Variants in NBN observed in about 807,000 individuals in gnomAD.
NBN encodes the protein nibrin.
In NBN, 88 loss-of-function variants were observed where a neutral mutation model predicts 90.8. The ratio of observed to expected loss-of-function variants is 0.97; its 90% CI spans 0.82 to 1.16. The LOEUF is 1.16. NBN is among the 50% of genes most tolerant of loss of function. NBN has a pLI of 0.00. For synonymous variants in NBN, 328 were observed against 295.1 expected, an observed-to-expected ratio of 1.11 and a Z score of -1.14; for missense variants, 894 against 869.6, an observed-to-expected ratio of 1.03 and a Z score of -0.35.
chr8:89,975,594 G>A (rs758598521), intron 5 of NBN, among the ~76,000 whole-genome samples: 4 of 152,096 alleles, frequency 2.6e-5, no homozygotes, highest in African/African-American at 4.8e-5. Flanking sequence ...AGTTAACACC[G>A]AATTAGGAGG....
intron 5 of NBN, among the ~76,000 whole-genome samples, chr8:89,975,871 A>G (rs1811729039): frequency 6.6e-6 from 1 of 152,256 alleles, no homozygotes; most frequent in Non-Finnish European, 1.5e-5. Flanking sequence ...ATTTGCAGCT[A>G]GAGTCATTAT....
chr8:89,949,974 GGATTTTATCAATGTCAATTTCCTGGTTGT>G (rs2129674418), intron 11 of NBN, among the ~76,000 whole-genome samples: 1 of 152,232 alleles, frequency 6.6e-6, no homozygotes, highest in South Asian at 2.1e-4. Context: ...TAAGGTTGAT[GGATTTTATCAATGTCAATTTCCTGGTTGT>G]GATACTGTAC....
At chr8:89,979,878 C>A (rs894175902) in intron 4 of NBN, among the ~76,000 whole-genome samples, 2 of 152,070 alleles carry the variant, frequency 1.3e-5, no homozygotes, top group Non-Finnish European at 2.9e-5. Context: ...ACCAACCAAG[C>A]TAGTGTATGA....
rs1204337347 is a variant in NBN at position 89,971,193 on chromosome 8, T to C, written c.682A>G (p.Ile228Val). 1 of 1,612,954 alleles carries C rather than the reference T, an allele frequency of 6.2e-7. No homozygotes were observed. The highest frequency in any genetic ancestry group is 1.7e-5 in the Admixed American group (1 of 59,954). The change falls in exon 6 of 16, where the codon ATA becomes GTA. Residue 228 changes from isoleucine (I) to valine (V), a missense_variant. Physicochemically the swap from Ile to Val is conservative, Grantham distance 29. Transcript: ENST00000265433. ...ATTACCTGTTTGGCATTCAAAAATA[T>C]AAATGTTTTCCCTTTGAAGATTTGT... is the stretch of plus-strand genomic sequence containing the variant. ...RKQIFKGKTF[I>V]FLNAKQHKKL...
At chr8:89,935,680 A>C in intron 15 of NBN, 68 bp from the exon 16 acceptor site, 1 of 1,576,170 alleles carries the variant, frequency 6.3e-7, no homozygotes, top group Non-Finnish European at 8.7e-7. Context: ...AAGGTAAAGA[A>C]CTTTCAAACT....
In NBN at chr8:89,953,501, A is replaced by G. The variant is rs1554558401; in HGVS notation, c.1588T>C (p.Ser530Pro). The G allele has an allele frequency of 3.7e-6, 6 of 1,613,680 alleles. No individual in the cohort carries two copies. Among genetic ancestry groups the G allele is most frequent in the Non-Finnish European group, 5.1e-6 (6 of 1,179,722 alleles). ...TTACTGGCAGAATTTTTCACAATAG[A>G]TTTTAAATCTGTATCTGTAAATAAG... is the stretch of plus-strand genomic sequence containing the variant. Reference protein sequence around the residue: ...NNLFTDTDLKSIVKNSASKSH... With the variant: ...NNLFTDTDLKPIVKNSASKSH... The change falls in exon 11 of 16, where the codon TCT (serine) becomes CCT (proline). Residue 530 changes from serine (S) to proline (P), a missense_variant. By Grantham distance (74) the Ser-to-Pro change is moderately conservative. Coordinates refer to ENST00000265433, the MANE Select transcript of NBN (RefSeq NM_002485.5).
Position 89,935,544 on chromosome 8 carries a change from T to C in NBN, c.*38A>G, listed in dbSNP as rs1276899383. 12 of 1,609,362 alleles carry C rather than the reference T, an allele frequency of 7.5e-6. No individual in the cohort carries two copies. Among genetic ancestry groups the C allele is most frequent in the African/African-American group, 2.7e-5 (2 of 74,832 alleles). ...TTGTTGGCCTGAAGTAGATGCTTACTAGGAAGTTTTTCCATGGCTTCTTTT... is the reference window on the plus strand; with the variant it reads ...TTGTTGGCCTGAAGTAGATGCTTACCAGGAAGTTTTTCCATGGCTTCTTTT... On this transcript the variant is annotated 3_prime_UTR_variant, in exon 16 of 16. Coordinates refer to ENST00000265433, the MANE Select transcript of NBN (RefSeq NM_002485.5).
At chr8:89,940,184 C>G (rs1809874707) in intron 14 of NBN, among the ~76,000 whole-genome samples, 1 of 152,194 alleles carries the variant, frequency 6.6e-6, no homozygotes, top group Admixed American at 6.5e-5. Context: ...CTCCCAGGCT[C>G]AAGCAATCTT....
chr8:89,969,678 G>A (rs545630513), intron 7 of NBN, among the ~76,000 whole-genome samples: 118 of 152,260 alleles, frequency 7.7e-4, no homozygotes, highest in Non-Finnish European at 1.3e-3. Context: ...TCGGCCGGGC[G>A]CAGTAGCTCA....
At chr8:89,964,005 T>C (rs1238055439) in intron 8 of NBN, among the ~76,000 whole-genome samples, 2 of 152,306 alleles carry the variant, frequency 1.3e-5, no homozygotes, top group Middle Eastern at 3.4e-3. Context: ...TTTCCCATCA[T>C]TCAGGACACA....
At chr8:89,984,282 C>A in intron 1 of NBN, 4 of 597,692 alleles carry the variant, frequency 6.7e-6, no homozygotes, top group African/African-American at 1.9e-5. Context: ...AGGGGAGGGG[C>A]GCGGAGGACT....
At chr8:89,969,956 A>G (rs1480576033) in intron 7 of NBN, among the ~76,000 whole-genome samples, 1 of 151,324 alleles carries the variant, frequency 6.6e-6, no homozygotes, top group East Asian at 1.9e-4. Context: ...GTCTCAAAAA[A>G]ATAAAAAATA....
intron 8 of NBN, among the ~76,000 whole-genome samples, chr8:89,962,401 G>C (rs1466027703): frequency 6.6e-6 from 1 of 152,124 alleles, no homozygotes; most frequent in Non-Finnish European, 1.5e-5. Flanking sequence ...TACTGATACT[G>C]ATCTTTTTTC....
chr8:89,971,226 C>G lies in NBN; in HGVS notation c.649G>C (p.Glu217Gln), dbSNP rs760275251. Residue 217 changes from glutamate to glutamine, a missense_variant, in exon 6 of 16, where the codon GAA becomes CAA. Glu to Gln is a conservative substitution (Grantham distance 29). Coordinates refer to ENST00000265433, the MANE Select transcript of NBN (RefSeq NM_002485.5). ...TTCCCTTTGAAGATTTGTTTTCTTT[C>G]CTGCCGTCCTGACAGATCAACATTT... ...SKNVDLSGRQERKQIFKGKTF... is the reference protein window; with the variant it reads ...SKNVDLSGRQQRKQIFKGKTF... 23 of 1,613,090 alleles carry G rather than the reference C, an allele frequency of 1.4e-5. No homozygotes were observed. Among genetic ancestry groups the G allele is most frequent in the Non-Finnish European group, 1.9e-5 (22 of 1,179,520 alleles).
chr8:89,950,542 G>C (rs536323440), intron 11 of NBN, among the ~76,000 whole-genome samples: 13 of 152,080 alleles, frequency 8.5e-5, no homozygotes, highest in African/African-American at 3.1e-4. Flanking sequence ...ATCTCAATGA[G>C]AGATACCGCA....
In NBN at chr8:89,964,659, C is replaced by G. The variant is rs565609941; in HGVS notation, c.897-152G>C. On this transcript the variant is annotated intron_variant, in intron 7 of 15. Coordinates refer to ENST00000265433, the MANE Select transcript of NBN (RefSeq NM_002485.5). ...AAATGCAGAGTACTATAATAGCTTA[C>G]TCGCTGGGGCACTGTTACGTTGACA... 20 of 701,380 alleles carry G rather than the reference C, an allele frequency of 2.9e-5. No homozygotes were observed. In the East Asian group the frequency reaches 5.5e-4, roughly 19 times the overall value. 43.4% of individuals were successfully genotyped at this position (701,380 alleles called of 1,614,324 possible).
At chr8:89,966,966 G>A (rs1811282485) in intron 7 of NBN, among the ~76,000 whole-genome samples, 1 of 152,176 alleles carries the variant, frequency 6.6e-6, no homozygotes, top group African/African-American at 2.4e-5. Context: ...AAACATAGGT[G>A]AGTATCTTTA....
chr8:89,951,132 G>A (rs1303411924), intron 11 of NBN, among the ~76,000 whole-genome samples: 1 of 151,828 alleles, frequency 6.6e-6, no homozygotes, highest in African/African-American at 2.4e-5. Flanking sequence ...CTAACACAGC[G>A]AAACCCCATC....
Position 89,964,508 on chromosome 8 carries a change from C to T in NBN, c.897-1G>A, listed in dbSNP as rs1586076299. The stretch of plus-strand genomic sequence containing the variant: ...TTCAGGAATAGGTCTAAGACCTTGC[C>T]TATTAGAATAAAATAGTTTAAGTAT... On this transcript the variant is annotated splice_acceptor_variant, in intron 7 of 15. Transcript: ENST00000265433. LOFTEE classifies it high-confidence loss of function. 6.3e-7 allele frequency: 1 copy of T among 1,585,386 alleles called. No individual in the cohort carries two copies. Among genetic ancestry groups the T allele is most frequent in the Non-Finnish European group, 8.7e-7 (1 of 1,154,160 alleles).
Sources: allele counts gnomAD v4.1 joint callset (sites outside exome capture counted in the v4.1 genomes callset), GRCh38; gene constraint gnomAD v4.1.1; transcripts MANE v1.5; gene names NCBI Gene and HGNC (gene_info 2026-07-23, HGNC 2026-07-21).